Variants in ANO2 observed in about 807,000 individuals in gnomAD.
ANO2 encodes the protein anoctamin 2.
A neutral mutation model predicts 124.2 loss-of-function variants in ANO2; 101 were observed. The ratio of observed to expected loss-of-function variants is 0.81; its 90% CI spans 0.69 to 0.96. The LOEUF (loss-of-function observed/expected upper bound fraction) is 0.96, where lower values mean the gene tolerates loss of function less well. ANO2 is among the 40% of genes least tolerant of loss of function. The probability of loss-of-function intolerance (pLI) is 0.00; values close to 1 mark genes in which losing one functional copy is unlikely to be tolerated. For missense variants in ANO2, 1,293 were observed against 1,274.5 expected, an observed-to-expected ratio of 1.01 and a Z score of -0.22; for synonymous variants, 486 against 482.5, an observed-to-expected ratio of 1.01 and a Z score of -0.09.
chr12:5,782,122 G>C (rs1047357512), intron 10 of ANO2, among the ~76,000 whole-genome samples: 1 of 152,116 alleles, frequency 6.6e-6, no homozygotes, highest in South Asian at 2.1e-4. Flanking sequence ...TTGAAGCTCT[G>C]TTATTAGGTA....
At chr12:5,840,760 G>A (rs898063641) in intron 4 of ANO2, among the ~76,000 whole-genome samples, 8 of 152,182 alleles carry the variant, frequency 5.3e-5, no homozygotes, top group Non-Finnish European at 1.2e-4. Context: ...GGGAGCACAC[G>A]TGTTGACAGA....
intron 7 of ANO2, among the ~76,000 whole-genome samples, chr12:5,810,695 AG>A (rs1191485587): frequency 6.6e-6 from 1 of 152,174 alleles, no homozygotes; most frequent in East Asian, 1.9e-4. Context: ...GCCCCTGAGG[AG>A]CCCCTTACTG....
intron 14 of ANO2, among the ~76,000 whole-genome samples, chr12:5,656,022 C>T (rs1947134406): frequency 6.6e-6 from 1 of 152,136 alleles, no homozygotes; most frequent in Non-Finnish European, 1.5e-5. Context: ...TCATCTGCAA[C>T]CCTTGTGAGG....
At chr12:5,716,631 C>A (rs557931222) in intron 14 of ANO2, among the ~76,000 whole-genome samples, 6 of 152,246 alleles carry the variant, frequency 3.9e-5, no homozygotes, top group Admixed American at 2.0e-4. Context: ...GTGCAGATGC[C>A]CAAATTCAGG....
chr12:5,765,358 C>T (rs900787078), intron 10 of ANO2, among the ~76,000 whole-genome samples: 2 of 152,188 alleles, frequency 1.3e-5, no homozygotes, highest in East Asian at 3.9e-4. Flanking sequence ...ATGAGACCAG[C>T]GTTGCCACAT....
chr12:5,693,329 G>T (rs1949024031), intron 14 of ANO2, among the ~76,000 whole-genome samples: 1 of 152,090 alleles, frequency 6.6e-6, no homozygotes, highest in African/African-American at 2.4e-5. Context: ...CGTCATCCTT[G>T]ACCTCTTTCT....
At chr12:5,630,056 T>C (rs764955412) in intron 16 of ANO2, among the ~76,000 whole-genome samples, 12 of 152,218 alleles carry the variant, frequency 7.9e-5, no homozygotes, top group Non-Finnish European at 1.6e-4. Flanking sequence ...AGAATGGACC[T>C]CAGATAGGCC....
intron 3 of ANO2, among the ~76,000 whole-genome samples, chr12:5,883,963 T>C (rs1938701368): frequency 6.6e-6 from 1 of 152,208 alleles, no homozygotes; most frequent in African/African-American, 2.4e-5. Flanking sequence ...GTCAGGTATA[T>C]ATTAAAATTC....
At chr12:5,813,464 C>CA (rs1953500377) in intron 7 of ANO2, among the ~76,000 whole-genome samples, 2 of 152,226 alleles carry the variant, frequency 1.3e-5, no homozygotes, top group Non-Finnish European at 2.9e-5. Flanking sequence ...GCAAATGTGG[C>CA]ATGGGACCTG....
At chr12:5,836,609 C>T (rs1233849412) in intron 4 of ANO2, among the ~76,000 whole-genome samples, 1 of 152,178 alleles carries the variant, frequency 6.6e-6, no homozygotes, top group East Asian at 1.9e-4. Flanking sequence ...TAACACATCC[C>T]ATGGAACCTG....
intron 14 of ANO2, among the ~76,000 whole-genome samples, chr12:5,650,078 G>A (rs1946843494): frequency 6.6e-6 from 1 of 152,160 alleles, no homozygotes. Flanking sequence ...GACTTTTCCT[G>A]AGTCCCCCTG....
chr12:5,696,996 T>C (rs993175939), intron 14 of ANO2, among the ~76,000 whole-genome samples: 1 of 152,196 alleles, frequency 6.6e-6, no homozygotes, highest in African/African-American at 2.4e-5. Flanking sequence ...CTATAGTAAA[T>C]ATCCTATGTA....
intron 19 of ANO2, among the ~76,000 whole-genome samples, chr12:5,610,218 AAT>A (rs1335993365): frequency 9.7e-6 from 1 of 103,556 alleles, no homozygotes; most frequent in African/African-American, 4.2e-5. Context: ...TACTTATATA[AAT>A]ATATACTTAT....
At chr12:5,848,867 G>A (rs962771131) in intron 4 of ANO2, among the ~76,000 whole-genome samples, 1 of 152,168 alleles carries the variant, frequency 6.6e-6, no homozygotes, top group African/African-American at 2.4e-5. Context: ...TACCAATTGC[G>A]CTGCCTGCAC....
intron 14 of ANO2, among the ~76,000 whole-genome samples, chr12:5,678,809 G>A (rs1948366683): frequency 6.6e-6 from 1 of 152,224 alleles, no homozygotes; most frequent in East Asian, 1.9e-4. Context: ...GATATCACTA[G>A]GTTGGAAAGC....
intron 3 of ANO2, among the ~76,000 whole-genome samples, chr12:5,869,007 G>A (rs1203794615): frequency 1.3e-5 from 2 of 152,214 alleles, no homozygotes; most frequent in Non-Finnish European, 2.9e-5. Flanking sequence ...GACCCTGGAG[G>A]GGAAGGGGAA....
At chr12:5,834,529 T>G (rs1446186302) in intron 4 of ANO2, among the ~76,000 whole-genome samples, 1 of 152,196 alleles carries the variant, frequency 6.6e-6, no homozygotes, top group Admixed American at 6.5e-5. Context: ...TCAGTTGGAT[T>G]TGGCAGAAGG....
chr12:5,663,351 G>C (rs1947539156), intron 14 of ANO2, among the ~76,000 whole-genome samples: 1 of 152,210 alleles, frequency 6.6e-6, no homozygotes, highest in Non-Finnish European at 1.5e-5. Flanking sequence ...AGGAAATGAA[G>C]CAGGGAATGG....
At chr12:5,846,534 T>C (rs1340168850) in intron 4 of ANO2, among the ~76,000 whole-genome samples, 1 of 152,248 alleles carries the variant, frequency 6.6e-6, no homozygotes, top group Non-Finnish European at 1.5e-5. Context: ...TTCATAGTGC[T>C]GCCATAACAA....
Sources: allele counts gnomAD v4.1 joint callset (sites outside exome capture counted in the v4.1 genomes callset), GRCh38; gene constraint gnomAD v4.1.1; transcripts MANE v1.5; gene names NCBI Gene and HGNC (gene_info 2026-07-23, HGNC 2026-07-21).